Variants in HFM1 observed in about 807,000 individuals in gnomAD.
HFM1 encodes the protein probable ATP-dependent DNA helicase HFM1.
Under a neutral mutation model 192.1 loss-of-function variants are expected in HFM1, and 169 were observed. The ratio of observed to expected loss-of-function variants is 0.88; its 90% CI spans 0.78 to 1.00. The LOEUF (loss-of-function observed/expected upper bound fraction) is 1.00, where lower values mean the gene tolerates loss of function less well. HFM1 is among the 50% of genes least tolerant of loss of function. The pLI is 0.00. For synonymous variants in HFM1, 525 were observed against 537.8 expected (o/e 0.98, Z 0.33); for missense variants, 1,661 against 1,668.0 (o/e 1.00, Z 0.07).
chr1:91,398,774 C>T (rs1663969922), intron 2 of HFM1, among the ~76,000 whole-genome samples: 1 of 152,060 alleles, frequency 6.6e-6, no homozygotes, highest in South Asian at 2.1e-4. Flanking sequence ...ATCACCACAA[C>T]CTCCACCTCC....
chr1:91,317,548 TA>T lies in HFM1; in HGVS notation c.2813-1073del, dbSNP rs1254966678. On this transcript the variant is annotated intron_variant, in intron 25 of 38. Transcript: ENST00000370425. ...GAATGAATTTATCCAAATCCCCAAA[TA>T]GAAGACACGGAACAGTATAAAATTC... is the stretch of plus-strand genomic sequence containing the variant. Among the ~76,000 whole-genome samples, 4 of 152,180 alleles carry T rather than the reference TA, an allele frequency of 2.6e-5. No homozygotes were observed. The East Asian group carries it at 7.7e-4, about 29-fold the overall frequency.
At chr1:91,384,150 C>T (rs926271900) in intron 6 of HFM1, among the ~76,000 whole-genome samples, 1 of 152,104 alleles carries the variant, frequency 6.6e-6, no homozygotes, top group Non-Finnish European at 1.5e-5. Context: ...TACTTTTTTA[C>T]CTCCACCCTT....
At chr1:91,343,205 T>C (rs889402869) in intron 20 of HFM1, among the ~76,000 whole-genome samples, 2 of 102,094 alleles carry the variant, frequency 2.0e-5, no homozygotes, top group African/African-American at 7.8e-5. Context: ...CACTCCAGCC[T>C]GGGCAAAAGA....
intron 13 of HFM1, among the ~76,000 whole-genome samples, chr1:91,364,632 ATT>A (rs61550398): frequency 7.6e-4 from 51 of 66,784 alleles, no homozygotes; most frequent in African/African-American, 3.1e-3. Flanking sequence ...ATATATATAT[ATT>A]TTTTTTTTTT....
intron 30 of HFM1, among the ~76,000 whole-genome samples, chr1:91,290,254 G>T (rs1668583747): frequency 6.6e-6 from 1 of 152,122 alleles, no homozygotes; most frequent in Admixed American, 6.6e-5. Flanking sequence ...ACACAGACTG[G>T]CAAATTGGAT....
chr1:91,316,134 C>T lies in HFM1; in HGVS notation c.2949G>A (p.Met983Ile). Residue 983 changes from methionine to isoleucine, a missense_variant, in exon 27 of 39, where the codon ATG becomes ATA. By Grantham distance (10) the Met-to-Ile change is conservative. Coordinates refer to ENST00000370425, the MANE Select transcript of HFM1 (RefSeq NM_001017975.6). ...CTTTAAGTTCATATTTTGGTAGATACATCACAGTTTCTTTTATCTGGGTTC... is the reference window on the plus strand; with the variant it reads ...CTTTAAGTTCATATTTTGGTAGATATATCACAGTTTCTTTTATCTGGGTTC... ...PFGTQIKETV[M>I]YLPKYELKVE... 5 of 1,592,660 alleles carry T rather than the reference C, an allele frequency of 3.1e-6. No homozygotes were observed. Among genetic ancestry groups the T allele is most frequent in the Non-Finnish European group, 4.3e-6 (5 of 1,165,234 alleles).
chr1:91,267,905 A>G (rs762290492), intron 34 of HFM1, 50 bp from the exon 35 acceptor site: 1 of 943,352 alleles, frequency 1.1e-6, no homozygotes, highest in Admixed American at 2.4e-5. Context: ...GTTGGTTTCC[A>G]GATATATTAA....
intron 11 of HFM1, chr1:91,377,598 T>G (rs967360190): frequency 6.0e-6 from 1 of 165,478 alleles, no homozygotes; most frequent in Non-Finnish European, 1.3e-5. Flanking sequence ...ATTTTCACTT[T>G]TGCATCTATA....
intron 4 of HFM1, among the ~76,000 whole-genome samples, chr1:91,393,822 C>T (rs1217612831): frequency 6.6e-6 from 1 of 152,208 alleles, no homozygotes; most frequent in African/African-American, 2.4e-5. Flanking sequence ...GCATAATAAT[C>T]ACCTAGAAAA....
intron 15 of HFM1, among the ~76,000 whole-genome samples, 186 bp from the exon 16 acceptor site, chr1:91,352,837 T>G: frequency 6.6e-6 from 1 of 151,810 alleles, no homozygotes; most frequent in East Asian, 1.9e-4. Context: ...TAAATTCTTG[T>G]TTTTCAAATT....
At chr1:91,286,051 G>T (rs1295301547) in intron 30 of HFM1, among the ~76,000 whole-genome samples, 4 of 152,158 alleles carry the variant, frequency 2.6e-5, no homozygotes, top group Non-Finnish European at 5.9e-5. Flanking sequence ...CCAAAGAGAA[G>T]CTGTAGTTTC....
chr1:91,404,667 C>T (rs1440835987), intron 1 of HFM1, 131 bp downstream of exon 1: 1 of 285,362 alleles, frequency 3.5e-6, no homozygotes, highest in Non-Finnish European at 6.9e-6. Flanking sequence ...CCGCGCCCGT[C>T]CGCTGCCTGC....
intron 4 of HFM1, among the ~76,000 whole-genome samples, chr1:91,389,590 A>G (rs1662678168): frequency 6.6e-6 from 1 of 152,200 alleles, no homozygotes; most frequent in African/African-American, 2.4e-5. Context: ...ATAACTAGGA[A>G]GAGGGTCGTC....
At chr1:91,366,608 T>C (rs984141715) in intron 13 of HFM1, among the ~76,000 whole-genome samples, 19 of 152,228 alleles carry the variant, frequency 1.2e-4, no homozygotes, top group Admixed American at 6.5e-4. Context: ...CCCATCTTTG[T>C]TTTAAAAACT....
intron 4 of HFM1, among the ~76,000 whole-genome samples, chr1:91,393,262 C>G (rs1663231026): frequency 2.0e-5 from 3 of 151,946 alleles, no homozygotes; most frequent in Non-Finnish European, 4.4e-5. Context: ...CATTCTTGCT[C>G]AATACTCTCA....
intron 30 of HFM1, among the ~76,000 whole-genome samples, chr1:91,289,856 G>C (rs1411334158): frequency 6.6e-6 from 1 of 152,136 alleles, no homozygotes; most frequent in Admixed American, 6.5e-5. Context: ...CGTGCAAAGA[G>C]GGAGAGGGAG....
intron 30 of HFM1, among the ~76,000 whole-genome samples, chr1:91,308,593 A>G (rs2101096185): frequency 6.6e-6 from 1 of 152,234 alleles, no homozygotes; most frequent in East Asian, 1.9e-4. Flanking sequence ...TGGTAAATTC[A>G]CAGACATGAT....
rs753256180 is a variant in HFM1 at position 91,350,698 on chromosome 1, C to T, written c.2206+40G>A. ...TTAGTATAAATACAGGCCTAGCTGG[C>T]TTGAAAAAATTACTACTTTTCCAAG... On this transcript the variant is annotated intron_variant, in intron 18 of 38. Coordinates refer to ENST00000370425, the MANE Select transcript of HFM1 (RefSeq NM_001017975.6). The T allele has an allele frequency of 2.4e-5, 38 of 1,597,648 alleles. 1 individual carries two copies. In the South Asian group the frequency reaches 3.8e-4, roughly 16 times the overall value.
In HFM1 at chr1:91,274,727, T is replaced by C. The variant is rs764864115; in HGVS notation, c.3668+3A>G. 2.1e-5 allele frequency: 29 copies of C among 1,408,236 alleles called. 1 individual carries two copies. The South Asian group carries it at 2.6e-4, about 13-fold the overall frequency. 87.2% of individuals were successfully genotyped at this position (1,408,236 alleles called of 1,614,324 possible). A position where few individuals can be genotyped will look rare whatever the true frequency, so the allele number is the denominator to read the frequency against. Reference sequence around the variant, plus strand: ...ACCTTAGATATTAACATTATATTTGTACCTTGATATACTAGGAAGGGAAGG... The same window carrying C: ...ACCTTAGATATTAACATTATATTTGCACCTTGATATACTAGGAAGGGAAGG... On this transcript the variant is annotated splice_donor_region_variant and intron_variant, in intron 33 of 38. Transcript: ENST00000370425.
Sources: gnomAD v4.1 joint callset for allele counts (sites outside exome capture counted in the v4.1 genomes callset) on GRCh38, gnomAD v4.1.1 for gene constraint, MANE v1.5 for transcripts, NCBI Gene and HGNC (gene_info 2026-07-23, HGNC 2026-07-21) for gene names.